BCOR: variants seen among roughly 807,000 people sequenced by gnomAD.
BCOR encodes BCL6 corepressor.
A neutral mutation model predicts 86.7 loss-of-function variants in BCOR; 10 were observed. The observed-to-expected ratio is 0.12, with a 90% confidence interval of 0.07 to 0.20. The LOEUF (loss-of-function observed/expected upper bound fraction) is 0.20. Ranked by LOEUF, BCOR falls within the 10% of genes least tolerant of loss-of-function variation. The pLI is 1.00. For synonymous variants in BCOR, 611 were observed against 609.0 expected (o/e 1.00, Z -0.05); for missense variants, 1,259 against 1,452.1 (o/e 0.87, Z 2.16).
At chrX:40,153,688 G>A (rs1177177519) in intron 1 of BCOR, among the ~76,000 whole-genome samples, 1 of 112,023 alleles carries the variant, frequency 8.9e-6, no homozygotes, top group African/African-American at 3.2e-5. Context: ...CCGAGGAGAG[G>A]AGCTGAGAGG....
chrX:40,069,100 T>G (rs1935344293), intron 6 of BCOR, among the ~76,000 whole-genome samples: 1 of 112,720 alleles, frequency 8.9e-6, no homozygotes, highest in East Asian at 2.8e-4. Context: ...CTCAGTGAAT[T>G]TGAAGCCAAA....
At chrX:40,089,582 A>C (rs1936507823) in intron 1 of BCOR, among the ~76,000 whole-genome samples, 1 of 109,792 alleles carries the variant, frequency 9.1e-6, no homozygotes. Flanking sequence ...TACATCCTAC[A>C]AATCTCCCTA....
intron 1 of BCOR, among the ~76,000 whole-genome samples, chrX:40,143,554 A>AT (rs1937970548): frequency 8.9e-6 from 1 of 112,763 alleles, no homozygotes; most frequent in African/African-American, 3.2e-5. Flanking sequence ...ACCATAATCA[A>AT]CTTTAATAAA....
At chrX:40,135,815 G>GT (rs1937669578) in intron 1 of BCOR, among the ~76,000 whole-genome samples, 1 of 112,206 alleles carries the variant, frequency 8.9e-6, no homozygotes, top group Non-Finnish European at 1.9e-5. Flanking sequence ...GGAGGGTAAT[G>GT]TAATTATTGC....
chrX:40,169,765 G>A (rs1202900587), intron 1 of BCOR, among the ~76,000 whole-genome samples: 4 of 111,623 alleles, frequency 3.6e-5, no homozygotes, highest in African/African-American at 9.8e-5. Flanking sequence ...TGAATCACGA[G>A]GGGGAAGAAC....
chrX:40,117,258 C>T (rs904127467), intron 1 of BCOR, among the ~76,000 whole-genome samples: 2 of 111,538 alleles, frequency 1.8e-5, no homozygotes, highest in Admixed American at 9.6e-5. Flanking sequence ...GCCCTGAAAG[C>T]GTCCCAGGTG....
chrX:40,164,099 C>T (rs952801847), intron 1 of BCOR, among the ~76,000 whole-genome samples: 1 of 111,907 alleles, frequency 8.9e-6, no homozygotes, highest in Non-Finnish European at 1.9e-5. Context: ...CCCTGAGCTG[C>T]CGATTTGTAA....
chrX:40,126,039 G>A (rs1437311251), intron 1 of BCOR, among the ~76,000 whole-genome samples: 6 of 107,836 alleles, frequency 5.6e-5, no homozygotes, highest in Admixed American at 1.0e-4. Flanking sequence ...GTGAAACCCC[G>A]TCTCTACTAA....
intron 1 of BCOR, among the ~76,000 whole-genome samples, chrX:40,081,892 A>C (rs1936121733): frequency 8.9e-6 from 1 of 112,517 alleles, no homozygotes; most frequent in African/African-American, 3.2e-5. Flanking sequence ...CCCAGGGCCA[A>C]GTGGAGAGAC....
chrX:40,063,432 T>G (rs1351476228), intron 8 of BCOR, among the ~76,000 whole-genome samples, 176 bp downstream of exon 8: 9 of 111,816 alleles, frequency 8.0e-5, no homozygotes, highest in African/African-American at 2.6e-4. Context: ...TGTTCAGACT[T>G]CCTTCCTGTG....
At chrX:40,100,713 GAAAAGA>G (rs1385011139), upstream of BCOR, among the ~76,000 whole-genome samples, 3 of 97,052 alleles carry the variant, frequency 3.1e-5, no homozygotes, top group Admixed American at 3.4e-4. Flanking sequence ...AAAAAAAAAA[GAAAAGA>G]AAAAGAAAAA....
At chrX:40,076,104 A>G (rs1239631330) in intron 3 of BCOR, among the ~76,000 whole-genome samples, 1 of 112,441 alleles carries the variant, frequency 8.9e-6, no homozygotes. Context: ...GTCTGAAGTG[A>G]CAGTCCTGTG....
rs1238778945 is a variant in BCOR at position 40,062,734 on chromosome X, G to A, written c.4173+12C>T. 8.3e-7 allele frequency: 1 copy of A among 1,206,345 alleles called. No homozygotes were observed. The highest frequency in any genetic ancestry group is 3.0e-5 in the East Asian group (1 of 33,739). On this transcript the variant is annotated intron_variant, in intron 9 of 14. Coordinates refer to ENST00000378444, the MANE Select transcript of BCOR (RefSeq NM_001123385.2). ...GCACAGGCCCCAGAGGGAAGCCGGGGTCAAGAGGTACCTTGCCATCGGCAT... is the reference window on the plus strand; with the variant it reads ...GCACAGGCCCCAGAGGGAAGCCGGGATCAAGAGGTACCTTGCCATCGGCAT...
chrX:40,153,713 T>G (rs753776303), intron 1 of BCOR, among the ~76,000 whole-genome samples: 2 of 112,017 alleles, frequency 1.8e-5, no homozygotes, highest in African/African-American at 6.5e-5. Flanking sequence ...ACGCCGCTAG[T>G]GTGCAAAATG....
At position 40,054,499 on chromosome X, in the gene BCOR, C is replaced by CT. The variant is rs147324206; in HGVS notation, c.4742-167dup. Among the ~76,000 whole-genome samples, 1,560 of 98,839 alleles carry CT rather than the reference C, an allele frequency of 0.016. 30 individuals are homozygous for CT. Among genetic ancestry groups the CT allele is most frequent in the African/African-American group, 0.043 (1,167 of 26,854 alleles). The allele number at this position is 98,839 out of a possible 115,157, so 85.8% of individuals were successfully genotyped here. A position where few individuals can be genotyped will look rare whatever the true frequency, so the allele number is the denominator to read the frequency against. ...AAAGTAGCATTACACTTATGTATCTCTTTTTTTTTTTTTTTTTTGACAGAG... is the reference window on the plus strand; with the variant it reads ...AAAGTAGCATTACACTTATGTATCTCTTTTTTTTTTTTTTTTTTTGACAGAG... On this transcript the variant is annotated intron_variant, in intron 12 of 14. Transcript: ENST00000378444.
At chrX:40,053,732 C>G (rs906943601) in intron 14 of BCOR, 154 bp downstream of exon 14, 36 of 647,722 alleles carry the variant, frequency 5.6e-5, no homozygotes, top group Middle Eastern at 4.5e-4. Context: ...GATGTGTACC[C>G]TTTCTGGAAA....
At chrX:40,091,061 T>C (rs1936589073) in intron 1 of BCOR, among the ~76,000 whole-genome samples, 1 of 112,013 alleles carries the variant, frequency 8.9e-6, no homozygotes, top group African/African-American at 3.3e-5. Context: ...AGTTGTGACC[T>C]TCCGAAGCTC....
At chrX:40,133,425 C>T (rs1239477462) in intron 1 of BCOR, among the ~76,000 whole-genome samples, 2 of 107,194 alleles carry the variant, frequency 1.9e-5, no homozygotes, top group African/African-American at 6.8e-5. Context: ...CGTGAGCCAC[C>T]GCCCCCGGCC....
intron 1 of BCOR, among the ~76,000 whole-genome samples, chrX:40,091,259 G>C (rs778711108): frequency 5.3e-5 from 6 of 112,316 alleles, no homozygotes; most frequent in Non-Finnish European, 7.5e-5. Context: ...GCCCAGCCCC[G>C]GGTCAATGTA....
Sources: allele counts gnomAD v4.1 joint callset (sites outside exome capture counted in the v4.1 genomes callset), GRCh38; gene constraint gnomAD v4.1.1; transcripts MANE v1.5; gene names NCBI Gene and HGNC (gene_info 2026-07-23, HGNC 2026-07-21).